CNIH4: variants seen among roughly 807,000 people sequenced by gnomAD.
CNIH4 encodes protein cornichon homolog 4.
Under a neutral mutation model 21.5 loss-of-function variants are expected in CNIH4, and 9 were observed. The ratio of observed to expected loss-of-function variants is 0.42; its 90% CI spans 0.25 to 0.73. CNIH4 has a LOEUF of 0.73. Ranked by LOEUF, CNIH4 falls within the 30% of genes least tolerant of loss-of-function variation. The probability of loss-of-function intolerance (pLI) is 0.27; values close to 1 mark genes in which losing one functional copy is unlikely to be tolerated. For missense variants in CNIH4, 159 were observed against 170.0 expected, an observed-to-expected ratio of 0.94 and a Z score of 0.36; for synonymous variants, 67 against 59.1, an observed-to-expected ratio of 1.13 and a Z score of -0.61.
At chr1:224,360,845 T>G (rs539006828) in intron 2 of CNIH4, among the ~76,000 whole-genome samples, 113 of 152,336 alleles carry the variant, frequency 7.4e-4, no homozygotes, top group African/African-American at 2.6e-3. Context: ...GGGTAATTGT[T>G]TTTGTCTTCT....
intron 3 of CNIH4, among the ~76,000 whole-genome samples, chr1:224,367,768 C>T (rs936144735): frequency 6.6e-6 from 1 of 152,214 alleles, no homozygotes; most frequent in Non-Finnish European, 1.5e-5. Flanking sequence ...GAGCTCTGAG[C>T]TGGGAACACA....
chr1:224,363,117 TC>T (rs1219532385), intron 2 of CNIH4, among the ~76,000 whole-genome samples: 1 of 152,208 alleles, frequency 6.6e-6, no homozygotes, highest in African/African-American at 2.4e-5. Context: ...CTATCTTGGC[TC>T]ACTGACACCT....
chr1:224,374,541 T>C (rs2102870084), intron 4 of CNIH4, among the ~76,000 whole-genome samples: 1 of 152,164 alleles, frequency 6.6e-6, no homozygotes, highest in Non-Finnish European at 1.5e-5. Context: ...CAGCCTCCCG[T>C]GTAGCTGGGA....
In CNIH4 at chr1:224,378,224, T is replaced by G. The variant is rs1370984677; in HGVS notation, c.*2402T>G. 1 of 152,096 alleles carries G rather than the reference T, an allele frequency of 6.6e-6. No homozygotes were observed. Among genetic ancestry groups the G allele is most frequent in the East Asian group, 1.9e-4 (1 of 5,174 alleles). 9.4% of individuals were successfully genotyped at this position (152,096 alleles called of 1,614,324 possible). A position where few individuals can be genotyped will look rare whatever the true frequency, so the allele number is the denominator to read the frequency against. Reference sequence around the variant, plus strand: ...CACACCACCATGCCCAGCGAATTTTTTGTAGAGACAGAGGTCTTGCTATGT... The same window carrying G: ...CACACCACCATGCCCAGCGAATTTTGTGTAGAGACAGAGGTCTTGCTATGT... On this transcript the variant is annotated 3_prime_UTR_variant, in exon 5 of 5. Transcript: ENST00000465271.
At position 224,379,079 on chromosome 1, in the gene CNIH4, T is replaced by A; in HGVS notation, c.*3257T>A. ...CTTCTATCCTTTCAGTGGTAGCAACTGCCCTTGCTAATCACCGTAACCTCG... is the reference window on the plus strand; with the variant it reads ...CTTCTATCCTTTCAGTGGTAGCAACAGCCCTTGCTAATCACCGTAACCTCG... On this transcript the variant is annotated 3_prime_UTR_variant, in exon 5 of 5. Transcript: ENST00000465271. 1.3e-6 allele frequency: 2 copies of A among 1,550,580 alleles called. No homozygotes were observed. Among genetic ancestry groups the A allele is most frequent in the Non-Finnish European group, 1.7e-6 (2 of 1,146,956 alleles).
At chr1:224,375,757 G>A in intron 4 of CNIH4, 38 bp from the exon 5 acceptor site, 1 of 1,613,198 alleles carries the variant, frequency 6.2e-7, no homozygotes, top group Non-Finnish European at 8.5e-7. Flanking sequence ...GAACATTCCT[G>A]AGAAAACATT....
chr1:224,365,352 T>G (rs575819501), intron 2 of CNIH4, among the ~76,000 whole-genome samples: 8 of 152,258 alleles, frequency 5.3e-5, no homozygotes, highest in Non-Finnish European at 1.0e-4. Context: ...GCCAGGATTC[T>G]GGCATTCTGC....
intron 2 of CNIH4, among the ~76,000 whole-genome samples, chr1:224,365,559 A>G (rs1185255738): frequency 6.6e-6 from 1 of 152,254 alleles, no homozygotes; most frequent in Non-Finnish European, 1.5e-5. Context: ...GGGCTTTGGC[A>G]TAGATACTAG....
At chr1:224,362,180 A>G (rs1672312071) in intron 2 of CNIH4, among the ~76,000 whole-genome samples, 1 of 151,014 alleles carries the variant, frequency 6.6e-6, no homozygotes, top group Non-Finnish European at 1.5e-5. Context: ...TCCCGGGTTC[A>G]TGCTATTCTC....
chr1:224,370,136 G>A (rs1672581987), intron 3 of CNIH4, among the ~76,000 whole-genome samples: 1 of 152,082 alleles, frequency 6.6e-6, no homozygotes, highest in Non-Finnish European at 1.5e-5. Flanking sequence ...AAGAAAGACT[G>A]GACAAGGGTT....
intron 3 of CNIH4, among the ~76,000 whole-genome samples, chr1:224,366,656 C>T (rs539615362): frequency 1.3e-5 from 2 of 151,616 alleles, no homozygotes; most frequent in South Asian, 2.1e-4. Context: ...GCTGGAAGTA[C>T]GTTTAAAAGC....
At chr1:224,375,374 A>T (rs1672750514) in intron 4 of CNIH4, among the ~76,000 whole-genome samples, 1 of 152,158 alleles carries the variant, frequency 6.6e-6, no homozygotes, top group African/African-American at 2.4e-5. Flanking sequence ...CTGAGTAAGA[A>T]GTTACTGCTT....
chr1:224,367,621 AACTC>A (rs1257805501), intron 3 of CNIH4, among the ~76,000 whole-genome samples: 4 of 151,756 alleles, frequency 2.6e-5, no homozygotes, highest in African/African-American at 9.7e-5. Flanking sequence ...TACAGCCTTG[AACTC>A]CTGGGCTGAA....
chr1:224,376,788 TTA>T lies in CNIH4; in HGVS notation c.*970_*971del, dbSNP rs34467372. ...TACAACCAAACTCTGTTCCTTGGAG[TTA>T]TATTGTAAACTCTTGCAGGTGGGAG... is the stretch of plus-strand genomic sequence containing the variant. On this transcript the variant is annotated 3_prime_UTR_variant, in exon 5 of 5. Transcript: ENST00000465271. The T allele has an allele frequency of 0.21, 204,054 of 984,998 alleles. 21,600 individuals are homozygous for T. The highest frequency in any genetic ancestry group is 0.23 in the Middle Eastern group (447 of 1,914). The allele number at this position is 984,998 out of a possible 1,614,324, so 61.0% of individuals were successfully genotyped here.
chr1:224,375,921 A>G lies in CNIH4; in HGVS notation c.*99A>G, dbSNP rs1672768827. On this transcript the variant is annotated 3_prime_UTR_variant, in exon 5 of 5. Transcript: ENST00000465271. ...TCCTTAGAACCGTGACCATAGCAGT[A>G]TATATTTTCCTCTTGGAACAAAAAA... 3 of 1,465,572 alleles carry G rather than the reference A, an allele frequency of 2.0e-6. No homozygotes were observed. The highest frequency in any genetic ancestry group is 2.4e-5 in the Admixed American group (1 of 42,546). 90.8% of individuals were successfully genotyped at this position (1,465,572 alleles called of 1,614,324 possible). A position where few individuals can be genotyped will look rare whatever the true frequency, so the allele number is the denominator to read the frequency against.
At chr1:224,370,725 T>A (rs773062449) in intron 3 of CNIH4, among the ~76,000 whole-genome samples, 27 of 152,186 alleles carry the variant, frequency 1.8e-4, no homozygotes, top group African/African-American at 6.3e-4. Flanking sequence ...GCATAAAATA[T>A]CCTTTTCTGG....
rs572879981 is a variant in CNIH4 at position 224,374,218 on chromosome 1, C to T, written c.393-1577C>T. The stretch of plus-strand genomic sequence containing the variant: ...TTATGCTACTTGTCTTTGTATCTAA[C>T]ATCTGCCACACCTTGCCTAATACCT... On this transcript the variant is annotated intron_variant, in intron 4 of 4. Transcript: ENST00000465271. Among the ~76,000 whole-genome samples the T allele has an allele frequency of 2.0e-5, 3 of 152,334 alleles. No individual in the cohort carries two copies. The South Asian group carries it at 6.2e-4, about 32-fold the overall frequency.
At chr1:224,365,441 A>G (rs1291509237) in intron 2 of CNIH4, among the ~76,000 whole-genome samples, 1 of 152,206 alleles carries the variant, frequency 6.6e-6, no homozygotes, top group East Asian at 1.9e-4. Flanking sequence ...TTCTCTGAAT[A>G]TGAAATGGTT....
intron 3 of CNIH4, among the ~76,000 whole-genome samples, chr1:224,368,397 T>C (rs1191628445): frequency 6.6e-6 from 1 of 152,216 alleles, no homozygotes; most frequent in African/African-American, 2.4e-5. Flanking sequence ...ACAAAGATCA[T>C]GTATATTTAT....
Sources: gnomAD v4.1 joint callset for allele counts (sites outside exome capture counted in the v4.1 genomes callset) on GRCh38, gnomAD v4.1.1 for gene constraint, MANE v1.5 for transcripts, NCBI Gene and HGNC (gene_info 2026-07-23, HGNC 2026-07-21) for gene names.